ATP6V1G3: variants seen among roughly 807,000 people sequenced by gnomAD.
The protein encoded by ATP6V1G3 is V-type proton ATPase subunit G 3.
Under a neutral mutation model 9.3 loss-of-function variants are expected in ATP6V1G3, and 9 were observed. The observed-to-expected ratio is 0.97, with a 90% CI of 0.59 to 1.69. The LOEUF is 1.69. Ranked by LOEUF, ATP6V1G3 falls within the 40% of genes most tolerant of loss-of-function variation. The pLI is 0.00. For missense variants in ATP6V1G3, 133 were observed against 139.0 expected, an observed-to-expected ratio of 0.96 and a Z score of 0.22; for synonymous variants, 43 against 43.8, an observed-to-expected ratio of 0.98 and a Z score of 0.07.
chr1:198,538,907 G>A (rs200513400), intron 1 of ATP6V1G3, among the ~76,000 whole-genome samples: 1,486 of 103,760 alleles, frequency 0.014, 23 homozygotes, highest in African/African-American at 0.062. Flanking sequence ...AAAAAAAAAA[G>A]AAGAAGAAGA....
intron 1 of ATP6V1G3, among the ~76,000 whole-genome samples, chr1:198,534,698 C>T: frequency 6.6e-6 from 1 of 152,058 alleles, no homozygotes; most frequent in East Asian, 1.9e-4. Flanking sequence ...AGTTCAGAAG[C>T]CATTTTTATT....
At chr1:198,540,829 A>C (rs538609971), upstream of ATP6V1G3, 104 of 630,720 alleles carry the variant, frequency 1.6e-4, no homozygotes, top group Middle Eastern at 4.1e-4. Context: ...CCAAGGTGGA[A>C]TCTAGAAAAA....
intron 1 of ATP6V1G3, chr1:198,536,785 C>A: frequency 1.6e-6 from 2 of 1,285,748 alleles, no homozygotes; most frequent in South Asian, 1.3e-5. Context: ...ATTCTTCTAT[C>A]ATTATTACTT....
intron 2 of ATP6V1G3, among the ~76,000 whole-genome samples, chr1:198,523,847 C>A (rs12123245): frequency 2.6e-5 from 4 of 152,138 alleles, no homozygotes; most frequent in Non-Finnish European, 5.9e-5. Context: ...CCCAGAAGTT[C>A]TTTTCCATCA....
chr1:198,533,257 C>A (rs1014663524), intron 1 of ATP6V1G3, among the ~76,000 whole-genome samples: 3 of 150,002 alleles, frequency 2.0e-5, no homozygotes, highest in Non-Finnish European at 4.4e-5. Flanking sequence ...GAGCCAAGAT[C>A]ACGCCATTGT....
intron 1 of ATP6V1G3, among the ~76,000 whole-genome samples, chr1:198,529,764 C>T (rs1659820824): frequency 6.6e-6 from 1 of 151,978 alleles, no homozygotes; most frequent in East Asian, 1.9e-4. Flanking sequence ...AGCCTCAATA[C>T]ATCAAAGCAA....
At chr1:198,533,123 G>C (rs546901693) in intron 1 of ATP6V1G3, among the ~76,000 whole-genome samples, 112 of 152,018 alleles carry the variant, frequency 7.4e-4, no homozygotes, top group African/African-American at 2.6e-3. Flanking sequence ...GGCCAACATG[G>C]TGAAACCCGG....
chr1:198,527,163 T>A (rs1659687637), intron 2 of ATP6V1G3, among the ~76,000 whole-genome samples: 1 of 152,092 alleles, frequency 6.6e-6, no homozygotes, highest in African/African-American at 2.4e-5. Flanking sequence ...TTGCCCTGGG[T>A]TAATGAGGAT....
chr1:198,524,159 G>C (rs1659564301), intron 2 of ATP6V1G3, among the ~76,000 whole-genome samples: 2 of 136,482 alleles, frequency 1.5e-5, no homozygotes, highest in Admixed American at 7.7e-5. Flanking sequence ...GGTTCTCACT[G>C]TGTCGCCCAG....
chr1:198,530,406 T>C (rs1422486922), intron 1 of ATP6V1G3, among the ~76,000 whole-genome samples: 1 of 152,188 alleles, frequency 6.6e-6, no homozygotes, highest in Non-Finnish European at 1.5e-5. Context: ...CTTTCCCTTC[T>C]AAGTATGAGT....
At chr1:198,530,938 C>T (rs1346516395) in intron 1 of ATP6V1G3, among the ~76,000 whole-genome samples, 1 of 151,970 alleles carries the variant, frequency 6.6e-6, no homozygotes, top group Non-Finnish European at 1.5e-5. Flanking sequence ...TGCCTCACTA[C>T]TCTCCATCTT....
intron 1 of ATP6V1G3, 60 bp from the exon 2 acceptor site, chr1:198,529,241 T>C (rs893425012): frequency 4.3e-4 from 164 of 380,332 alleles, no homozygotes; most frequent in Admixed American, 8.0e-4. Context: ...TATATAAATA[T>C]TTATTATATA....
At chr1:198,526,454 T>C (rs756672611) in intron 2 of ATP6V1G3, among the ~76,000 whole-genome samples, 1 of 152,142 alleles carries the variant, frequency 6.6e-6, no homozygotes, top group Admixed American at 6.6e-5. Context: ...ACCTGAATGT[T>C]TGGGAGAATG....
intron 1 of ATP6V1G3, among the ~76,000 whole-genome samples, chr1:198,538,028 T>A (rs1660188556): frequency 6.6e-6 from 1 of 152,206 alleles, no homozygotes; most frequent in Admixed American, 6.5e-5. Context: ...CTGTGGCTTC[T>A]GAGGCAAAGA....
intron 1 of ATP6V1G3, among the ~76,000 whole-genome samples, chr1:198,532,089 C>T (rs73077379): frequency 0.016 from 2,378 of 152,078 alleles, 77 homozygotes; most frequent in African/African-American, 0.054. Flanking sequence ...CAGACGACAG[C>T]TGGGGAGACA....
chr1:198,532,598 A>G (rs1293826888), intron 1 of ATP6V1G3, among the ~76,000 whole-genome samples: 1 of 152,200 alleles, frequency 6.6e-6, no homozygotes, highest in African/African-American at 2.4e-5. Flanking sequence ...AGAAGAAAGG[A>G]GAATAAGGGG....
chr1:198,531,416 A>G (rs963167644), intron 1 of ATP6V1G3, among the ~76,000 whole-genome samples: 2 of 152,212 alleles, frequency 1.3e-5, no homozygotes, highest in African/African-American at 4.8e-5. Context: ...ATTTCTTTGT[A>G]TGCATTAAAA....
chr1:198,532,144 G>T (rs941574548), intron 1 of ATP6V1G3, among the ~76,000 whole-genome samples: 1 of 152,102 alleles, frequency 6.6e-6, no homozygotes, highest in African/African-American at 2.4e-5. Context: ...ACAGAGATTT[G>T]CATATTAGTC....
rs776259666 is a variant in ATP6V1G3, at chr1:198,540,538, T to G, written c.82+31A>C. 5 of 1,597,552 alleles carry G rather than the reference T, an allele frequency of 3.1e-6. No homozygotes were observed. In the South Asian group the frequency reaches 5.5e-5, roughly 18 times the overall value. ...CCTGCATTCCACTGCTTTGTTTATT[T>G]CGTGACAGACCCCTCACAGGTGAGA... On this transcript the variant is annotated intron_variant, in intron 1 of 2. Transcript: ENST00000367382.
Sources: gnomAD v4.1 joint callset for allele counts (sites outside exome capture counted in the v4.1 genomes callset) on GRCh38, gnomAD v4.1.1 for gene constraint, MANE v1.5 for transcripts, NCBI Gene and HGNC (gene_info 2026-07-23, HGNC 2026-07-21) for gene names.